Variants in SPATA16 observed in about 807,000 individuals in gnomAD.
SPATA16 encodes the protein spermatogenesis-associated protein 16.
A neutral mutation model predicts 63.3 loss-of-function variants in SPATA16; 36 were observed. The ratio of observed to expected loss-of-function variants is 0.57; its 90% confidence interval spans 0.44 to 0.75. The LOEUF is 0.75. Among genes scored for constraint, SPATA16 ranks in the 30% least tolerant of loss-of-function variants. The pLI, the probability that SPATA16 is intolerant of heterozygous loss-of-function variation, is 0.00. For synonymous variants in SPATA16, 203 were observed against 216.7 expected (o/e 0.94, Z 0.56); for missense variants, 646 against 679.3 (o/e 0.95, Z 0.54).
At chr3:172,956,127 G>C (rs1449092313) in intron 6 of SPATA16, among the ~76,000 whole-genome samples, 1 of 152,022 alleles carries the variant, frequency 6.6e-6, no homozygotes, top group African/African-American at 2.4e-5. Flanking sequence ...AATATTTTTT[G>C]CATGAGAATG....
At position 173,019,353 on chromosome 3, in the gene SPATA16, T is replaced by C. The variant is rs993286818; in HGVS notation, c.848+133A>G. The C allele has an allele frequency of 8.3e-6, 7 of 845,080 alleles. No individual in the cohort carries two copies. The Admixed American group carries it at 8.8e-5, about 11-fold the overall frequency. 52.3% of individuals were successfully genotyped at this position (845,080 alleles called of 1,614,324 possible). On this transcript the variant is annotated intron_variant, in intron 4 of 10. Transcript: ENST00000351008. Reference sequence around the variant, plus strand: ...ATAGTCAATAATTGCTGGTTTGACGTTGATAGACAATAATTTGGATAAAAT... The same window carrying C: ...ATAGTCAATAATTGCTGGTTTGACGCTGATAGACAATAATTTGGATAAAAT...
At chr3:172,965,168 G>A (rs1733885457) in intron 5 of SPATA16, among the ~76,000 whole-genome samples, 1 of 152,186 alleles carries the variant, frequency 6.6e-6, no homozygotes, top group South Asian at 2.1e-4. Flanking sequence ...TTATAGTTGA[G>A]GAAAACTTAG....
chr3:173,008,756 G>A (rs941107728), intron 4 of SPATA16, among the ~76,000 whole-genome samples: 4 of 151,926 alleles, frequency 2.6e-5, no homozygotes, highest in Non-Finnish European at 5.9e-5. Flanking sequence ...AATAGTAATA[G>A]AATATATTAA....
At chr3:173,032,584 T>C (rs1281108331) in intron 3 of SPATA16, among the ~76,000 whole-genome samples, 2 of 152,160 alleles carry the variant, frequency 1.3e-5, no homozygotes, top group Non-Finnish European at 2.9e-5. Context: ...GCCTAGGGCT[T>C]CAAGCCTTCC....
chr3:172,941,289 A>G (rs754228841), intron 6 of SPATA16, among the ~76,000 whole-genome samples: 6 of 152,246 alleles, frequency 3.9e-5, no homozygotes, highest in Non-Finnish European at 5.9e-5. Flanking sequence ...GGACTAAAGT[A>G]TTAAAAAGGA....
intron 4 of SPATA16, among the ~76,000 whole-genome samples, chr3:173,014,979 A>T (rs1220158744): frequency 6.6e-6 from 1 of 152,144 alleles, no homozygotes; most frequent in Non-Finnish European, 1.5e-5. Flanking sequence ...CTTTATAAGC[A>T]TTTGAATGTG....
intron 5 of SPATA16, among the ~76,000 whole-genome samples, chr3:172,976,615 C>A (rs990670720): frequency 6.6e-6 from 1 of 152,028 alleles, no homozygotes; most frequent in Non-Finnish European, 1.5e-5. Context: ...TTACTTCTAG[C>A]ATCTGTTTTT....
rs1231188253 is a variant in SPATA16 at position 173,122,581 on chromosome 3, CT to C, written c.-18-4833del. The stretch of plus-strand genomic sequence containing the variant: ...GTGAGACATTATGAGAAAAAAACAC[CT>C]TGCTTGTTAGTCTACCAGTTCTTTT... On this transcript the variant is annotated intron_variant, in intron 1 of 10. Coordinates refer to ENST00000351008, the MANE Select transcript of SPATA16 (RefSeq NM_031955.6). Among the ~76,000 whole-genome samples the C allele has an allele frequency of 1.6e-4, 25 of 151,844 alleles. 1 individual carries two copies. The highest frequency in any genetic ancestry group is 9.8e-4 in the Admixed American group (15 of 15,248).
At chr3:173,113,864 G>A (rs1027039743) in intron 2 of SPATA16, among the ~76,000 whole-genome samples, 1 of 152,126 alleles carries the variant, frequency 6.6e-6, no homozygotes, top group African/African-American at 2.4e-5. Flanking sequence ...AGCTGACTTT[G>A]TACCACATAT....
chr3:173,054,100 A>G lies in SPATA16; in HGVS notation c.613-5006T>C, dbSNP rs1736160980. Among the ~76,000 whole-genome samples the G allele has an allele frequency of 2.6e-5, 4 of 152,092 alleles. No homozygotes were observed. The South Asian group carries it at 8.3e-4, about 31-fold the overall frequency. On this transcript the variant is annotated intron_variant, in intron 2 of 10. Transcript: ENST00000351008. ...ATATTAATTATAATTATATTATTAC[A>G]TGTTACAATTATAGTTGAAGATTTC...
At chr3:172,978,038 G>T (rs1734205195) in intron 4 of SPATA16, among the ~76,000 whole-genome samples, 1 of 151,706 alleles carries the variant, frequency 6.6e-6, no homozygotes, top group Non-Finnish European at 1.5e-5. Context: ...TAAATGTTTA[G>T]ATTCTTCTTC....
chr3:173,083,789 T>C (rs774105104), intron 2 of SPATA16, among the ~76,000 whole-genome samples: 3 of 152,194 alleles, frequency 2.0e-5, no homozygotes, highest in Non-Finnish European at 4.4e-5. Flanking sequence ...GGCTTCCAGC[T>C]CCATCCATGT....
intron 10 of SPATA16, among the ~76,000 whole-genome samples, chr3:172,897,416 C>T (rs559452540): frequency 1.7e-3 from 252 of 152,192 alleles, no homozygotes; most frequent in Non-Finnish European, 3.2e-3. Context: ...TGAGGTCTTT[C>T]AGTCCATAAA....
rs144170412 is a variant in SPATA16 at position 173,055,909 on chromosome 3, T to A, written c.613-6815A>T. On this transcript the variant is annotated intron_variant, in intron 2 of 10. Coordinates refer to ENST00000351008, the MANE Select transcript of SPATA16 (RefSeq NM_031955.6). The stretch of plus-strand genomic sequence containing the variant: ...TCTATAACTATCTTAAAGTAAAATT[T>A]AATTAAAAATAATAATGTTAAAAAT... Among the ~76,000 whole-genome samples, 470 of 152,326 alleles carry A rather than the reference T, an allele frequency of 3.1e-3. 2 individuals carry two copies. Among genetic ancestry groups the A allele is most frequent in the African/African-American group, 0.01 (418 of 41,578 alleles).
chr3:172,977,946 T>A (rs1734203627), intron 4 of SPATA16, among the ~76,000 whole-genome samples: 1 of 152,174 alleles, frequency 6.6e-6, no homozygotes, highest in Non-Finnish European at 1.5e-5. Flanking sequence ...GACATCATTG[T>A]AAATTGAATT....
At chr3:173,048,268 A>G (rs529538255) in intron 3 of SPATA16, among the ~76,000 whole-genome samples, 2 of 152,168 alleles carry the variant, frequency 1.3e-5, no homozygotes, top group South Asian at 4.1e-4. Flanking sequence ...AAGGCATAAT[A>G]TAATCACTTT....
chr3:172,967,936 A>G (rs2108244573), intron 5 of SPATA16, among the ~76,000 whole-genome samples: 2 of 152,338 alleles, frequency 1.3e-5, no homozygotes, highest in South Asian at 4.1e-4. Context: ...TAATGAAAAT[A>G]AAGTGCACAA....
intron 6 of SPATA16, among the ~76,000 whole-genome samples, chr3:172,927,955 G>T (rs1409394748): frequency 6.6e-6 from 1 of 151,722 alleles, no homozygotes; most frequent in South Asian, 2.1e-4. Flanking sequence ...GTCTACCCAG[G>T]CTGGAGTGCA....
intron 3 of SPATA16, among the ~76,000 whole-genome samples, chr3:173,028,752 C>A (rs1260005119): frequency 2.0e-5 from 3 of 151,924 alleles, no homozygotes; most frequent in Non-Finnish European, 4.4e-5. Flanking sequence ...ATCAATATAA[C>A]ACATTGTTTT....
Sources: allele counts gnomAD v4.1 joint callset (sites outside exome capture counted in the v4.1 genomes callset), GRCh38; gene constraint gnomAD v4.1.1; transcripts MANE v1.5; gene names NCBI Gene and HGNC (gene_info 2026-07-23, HGNC 2026-07-21).